Variants in UGT1A10 observed in about 807,000 individuals in gnomAD.
The protein encoded by UGT1A10 is UDP glucuronosyltransferase family 1 member A10, also known as UDP-glucuronosyltransferase 1A10.
UGT1A10 carries 49 observed loss-of-function variants against 45.8 expected under a neutral mutation model. That is an observed-to-expected ratio of 1.07 (90% confidence interval 0.85 to 1.36). The LOEUF is 1.36. Among genes scored for constraint, UGT1A10 ranks in the 40% most tolerant of loss-of-function variants. The pLI is 0.00. For missense variants in UGT1A10, 745 were observed against 668.6 expected, an observed-to-expected ratio of 1.11 and a Z score of -1.26; for synonymous variants, 284 against 249.7, an observed-to-expected ratio of 1.14 and a Z score of -1.29.
At chr2:233,674,613 C>T (rs1266868243) in intron 1 of UGT1A10, among the ~76,000 whole-genome samples, 1 of 151,192 alleles carries the variant, frequency 6.6e-6, no homozygotes, top group Non-Finnish European at 1.5e-5. Context: ...AAACATCAAA[C>T]TATATATGGT....
At chr2:233,718,681 T>C in intron 1 of UGT1A10, 1 of 1,572,088 alleles carries the variant, frequency 6.4e-7, no homozygotes, top group Admixed American at 1.8e-5. Context: ...GGGTAATAAG[T>C]AACTGGAGGA....
intron 1 of UGT1A10, among the ~76,000 whole-genome samples, chr2:233,694,879 G>T (rs1427044787): frequency 6.6e-6 from 1 of 152,168 alleles, no homozygotes; most frequent in Non-Finnish European, 1.5e-5. Context: ...GTACACATTT[G>T]GGGGGTTCAT....
chr2:233,695,956 G>A (rs2075315981), intron 1 of UGT1A10, among the ~76,000 whole-genome samples: 1 of 152,124 alleles, frequency 6.6e-6, no homozygotes, highest in African/African-American at 2.4e-5. Context: ...TACCAGCTGG[G>A]TGTCCTCTAA....
chr2:233,647,897 G>A, intron 1 of UGT1A10: 1 of 1,553,952 alleles, frequency 6.4e-7, no homozygotes, highest in Non-Finnish European at 8.8e-7. Flanking sequence ...CTACACTGAA[G>A]TTAGCCTCCA....
intron 1 of UGT1A10, chr2:233,648,949 G>T (rs561698132): frequency 1.0e-5 from 15 of 1,436,982 alleles, no homozygotes; most frequent in African/African-American, 8.4e-5. Flanking sequence ...CTTTGTTTTG[G>T]AGTATCCCAA....
intron 1 of UGT1A10, chr2:233,682,739 A>T (rs762762821): frequency 6.2e-7 from 1 of 1,613,808 alleles, no homozygotes; most frequent in African/African-American, 1.3e-5. Context: ...CGTGATGCCC[A>T]ATATGATCTT....
chr2:233,699,130 A>C (rs150919646), intron 1 of UGT1A10, among the ~76,000 whole-genome samples: 33 of 152,278 alleles, frequency 2.2e-4, no homozygotes, highest in African/African-American at 7.9e-4. Flanking sequence ...TACTTATGTC[A>C]GATTCTCATG....
intron 1 of UGT1A10, among the ~76,000 whole-genome samples, chr2:233,720,871 A>ATTTTTTT (rs60621337): frequency 2.3e-5 from 3 of 132,772 alleles, no homozygotes; most frequent in Admixed American, 7.5e-5. Context: ...GCTCCTGGCA[A>ATTTTTTT]TTTTTTTTTT....
In UGT1A10 at chr2:233,771,027, G is replaced by C. The variant is rs186703216; in HGVS notation, c.1296-1235G>C. On this transcript the variant is annotated intron_variant, in intron 4 of 4. Transcript: ENST00000344644. ...CAAAAGCAGGAGCGAGAGAGAGTTG[G>C]GGGGGAAGGTGCCACACACTTTTTA... is the stretch of plus-strand genomic sequence containing the variant. The C allele has an allele frequency of 5.9e-5, 9 of 152,196 alleles. No homozygotes were observed. The East Asian group carries it at 1.4e-3, about 23-fold the overall frequency. The allele number at this position is 152,196 out of a possible 1,614,324, so 9.4% of individuals were successfully genotyped here. A position where few individuals can be genotyped will look rare whatever the true frequency, so the allele number is the denominator to read the frequency against.
chr2:233,707,715 G>T (rs1206424873), intron 1 of UGT1A10, among the ~76,000 whole-genome samples: 1 of 152,082 alleles, frequency 6.6e-6, no homozygotes, highest in Non-Finnish European at 1.5e-5. Context: ...TCACTACTGT[G>T]AACAATGTTA....
intron 1 of UGT1A10, among the ~76,000 whole-genome samples, chr2:233,662,312 T>G (rs2073989605): frequency 6.6e-6 from 1 of 152,214 alleles, no homozygotes; most frequent in Admixed American, 6.5e-5. Flanking sequence ...TCTTAATTTT[T>G]TCACTATTGT....
chr2:233,650,231 A>G (rs990570520), intron 1 of UGT1A10, among the ~76,000 whole-genome samples: 1 of 152,110 alleles, frequency 6.6e-6, no homozygotes, highest in Non-Finnish European at 1.5e-5. Flanking sequence ...CGGCCTCCCA[A>G]AGTGCTGGGA....
At chr2:233,667,646 A>G (rs1448262048) in intron 1 of UGT1A10, among the ~76,000 whole-genome samples, 2 of 152,248 alleles carry the variant, frequency 1.3e-5, no homozygotes, top group African/African-American at 4.8e-5. Flanking sequence ...ACAAAGGGCT[A>G]ATATCCAGAA....
chr2:233,657,916 C>A (rs538604096), intron 1 of UGT1A10, among the ~76,000 whole-genome samples: 4 of 151,304 alleles, frequency 2.6e-5, no homozygotes, highest in African/African-American at 9.7e-5. Context: ...AGTTTCTGGG[C>A]TTTTTTCCAT....
At chr2:233,690,728 C>T in intron 1 of UGT1A10, 1 of 1,211,732 alleles carries the variant, frequency 8.3e-7, no homozygotes, top group East Asian at 5.7e-5. Context: ...ACAGACATGC[C>T]AGATTCCTCT....
intron 1 of UGT1A10, chr2:233,755,833 G>C (rs1270609595): frequency 1.3e-5 from 2 of 152,294 alleles, no homozygotes; most frequent in Non-Finnish European, 2.9e-5. Flanking sequence ...CATATTCATT[G>C]GGCAATTTAA....
chr2:233,716,287 C>T (rs1299471224), intron 1 of UGT1A10, among the ~76,000 whole-genome samples: 1 of 152,202 alleles, frequency 6.6e-6, no homozygotes, highest in African/African-American at 2.4e-5. Context: ...TTAATATAAT[C>T]ACATCTATAA....
At chr2:233,656,923 CTT>C (rs961609429) in intron 1 of UGT1A10, among the ~76,000 whole-genome samples, 1 of 146,694 alleles carries the variant, frequency 6.8e-6, no homozygotes. Flanking sequence ...AGTTAAACAT[CTT>C]TTTTTTTTTT....
chr2:233,699,619 T>C (rs1164168014), intron 1 of UGT1A10, among the ~76,000 whole-genome samples: 1 of 152,202 alleles, frequency 6.6e-6, no homozygotes, highest in African/African-American at 2.4e-5. Flanking sequence ...AGGAATAGAA[T>C]GCAAGCTCAG....
Sources: gnomAD v4.1 joint callset for allele counts (sites outside exome capture counted in the v4.1 genomes callset) on GRCh38, gnomAD v4.1.1 for gene constraint, MANE v1.5 for transcripts, NCBI Gene and HGNC (gene_info 2026-07-23, HGNC 2026-07-21) for gene names.